The following SNX9 variants were observed in gnomAD, a reference collection of about 807,000 sequenced individuals.
The protein encoded by SNX9 is sorting nexin 9.
Under a neutral mutation model 89.4 loss-of-function variants are expected in SNX9, and 44 were observed. The ratio of observed to expected loss-of-function variants is 0.49; its 90% CI spans 0.39 to 0.63. The LOEUF (loss-of-function observed/expected upper bound fraction) is 0.63, where lower values mean the gene tolerates loss of function less well. SNX9 is among the 30% of genes least tolerant of loss of function. The pLI is 0.00. For missense variants in SNX9, 578 were observed against 736.1 expected (o/e 0.79, Z 2.49); for synonymous variants, 236 against 247.8 (o/e 0.95, Z 0.45).
intron 10 of SNX9, among the ~76,000 whole-genome samples, chr6:157,923,649 T>G (rs776771053): frequency 3.3e-5 from 5 of 152,188 alleles, no homozygotes; most frequent in Admixed American, 6.5e-5. Context: ...GCCAGGATGC[T>G]CTTGGAAAAT....
intron 4 of SNX9, among the ~76,000 whole-genome samples, chr6:157,884,514 G>A (rs1220487972): frequency 6.6e-6 from 1 of 152,106 alleles, no homozygotes; most frequent in East Asian, 1.9e-4. Flanking sequence ...TAATGCCTTA[G>A]ACATCTCGTA....
intron 9 of SNX9, 96 bp from the exon 10 acceptor site, chr6:157,921,435 A>G (rs578251563): frequency 4.7e-5 from 60 of 1,289,102 alleles, no homozygotes; most frequent in Non-Finnish European, 5.8e-5. Flanking sequence ...TCTACCCAAT[A>G]GCCAGTAGAC....
chr6:157,899,238 G>A (rs947502408), intron 5 of SNX9, among the ~76,000 whole-genome samples: 4 of 152,204 alleles, frequency 2.6e-5, no homozygotes, highest in African/African-American at 9.6e-5. Flanking sequence ...ACCCCAACTC[G>A]GTCTTTTTAA....
At chr6:157,859,503 A>G (rs1451597522) in intron 1 of SNX9, among the ~76,000 whole-genome samples, 2 of 152,236 alleles carry the variant, frequency 1.3e-5, no homozygotes, top group Non-Finnish European at 2.9e-5. Context: ...AGTAGAAGCT[A>G]TATTGGGGTA....
At chr6:157,932,623 T>C (rs944847963) in intron 13 of SNX9, among the ~76,000 whole-genome samples, 8 of 151,976 alleles carry the variant, frequency 5.3e-5, no homozygotes, top group Non-Finnish European at 1.0e-4. Flanking sequence ...TCCAACACTT[T>C]GGGAGGCTGA....
intron 1 of SNX9, among the ~76,000 whole-genome samples, chr6:157,826,323 T>TC (rs1177105953): frequency 6.6e-6 from 1 of 151,444 alleles, no homozygotes; most frequent in Non-Finnish European, 1.5e-5. Flanking sequence ...ACGGTGAAAC[T>TC]CCATCTATAC....
intron 9 of SNX9, among the ~76,000 whole-genome samples, chr6:157,918,905 A>T (rs1172608293): frequency 6.6e-6 from 1 of 152,090 alleles, no homozygotes; most frequent in Non-Finnish European, 1.5e-5. Context: ...ATTTTTATAT[A>T]TATTACATCT....
At position 157,898,993 on chromosome 6, in the gene SNX9, T is replaced by C. The variant is rs57283917; in HGVS notation, c.472+1995T>C. 1.4e-3 allele frequency among the ~76,000 whole-genome samples: 209 copies of C among 152,132 alleles called. 1 individual carries two copies. The highest frequency in any genetic ancestry group is 4.0e-3 in the African/African-American group (165 of 41,448). ...TCCCATTTGGCATTTGTCTCTCGGC[T>C]TCTCCATAATGGCACTCTTAGGACC... On this transcript the variant is annotated intron_variant, in intron 5 of 17. Transcript: ENST00000392185.
chr6:157,856,621 A>G (rs1440601234), intron 1 of SNX9, among the ~76,000 whole-genome samples: 1 of 152,176 alleles, frequency 6.6e-6, no homozygotes, highest in Non-Finnish European at 1.5e-5. Context: ...TATCACGATC[A>G]ATCTTCTCTT....
chr6:157,909,673 T>C lies in SNX9; in HGVS notation c.714T>C (p.Asp238=), dbSNP rs1783296710. The C allele has an allele frequency of 6.2e-7, 1 of 1,613,720 alleles. No homozygotes were observed. The highest frequency in any genetic ancestry group is 8.5e-7 in the Non-Finnish European group (1 of 1,179,950). Reference sequence around the variant, plus strand: ...CTGGAACATTGGCATAGGTTGGAGATTATGGCCCAATGTGGGTTTATCCTA... The same window carrying C: ...CTGGAACATTGGCATAGGTTGGAGACTATGGCCCAATGTGGGTTTATCCTA... ...PKEKIPIIVG[D]YGPMWVYPTS... The change falls in exon 8 of 18, where the codon GAT becomes GAC. Residue 238 remains aspartate (D), a synonymous_variant. Transcript: ENST00000392185.
intron 5 of SNX9, among the ~76,000 whole-genome samples, chr6:157,899,433 C>G (rs1486849665): frequency 6.6e-6 from 1 of 152,172 alleles, no homozygotes; most frequent in African/African-American, 2.4e-5. Context: ...CTGTGTACCA[C>G]TTAACATTCT....
In SNX9 at chr6:157,942,925, G is replaced by GA. The variant is rs1299554062; in HGVS notation, c.*95dup. The GA allele has an allele frequency of 1.2e-4, 167 of 1,365,732 alleles. No individual in the cohort carries two copies. The highest frequency in any genetic ancestry group is 1.9e-4 in the Middle Eastern group (1 of 5,368). The allele number at this position is 1,365,732 out of a possible 1,614,324, so 84.6% of individuals were successfully genotyped here. A position where few individuals can be genotyped will look rare whatever the true frequency, so the allele number is the denominator to read the frequency against. ...AAAACTTTTTTTCCCCTATTATTCAGAAAAAAAAGGAAACAAAACCAAAAA... is the reference window on the plus strand; with the variant it reads ...AAAACTTTTTTTCCCCTATTATTCAGAAAAAAAAAGGAAACAAAACCAAAAA... On this transcript the variant is annotated 3_prime_UTR_variant, in exon 18 of 18. Transcript: ENST00000392185.
chr6:157,842,578 T>C (rs921711605), intron 1 of SNX9, among the ~76,000 whole-genome samples: 1 of 152,148 alleles, frequency 6.6e-6, no homozygotes, highest in African/African-American at 2.4e-5. Context: ...ATTTGGTGTT[T>C]TTAAAGATAA....
intron 10 of SNX9, among the ~76,000 whole-genome samples, chr6:157,925,230 C>T (rs552427363): frequency 2.6e-5 from 4 of 152,250 alleles, no homozygotes; most frequent in African/African-American, 7.2e-5. Context: ...GTATCTGAAT[C>T]AACAACAGAT....
intron 6 of SNX9, among the ~76,000 whole-genome samples, chr6:157,902,995 G>T (rs1783138248): frequency 6.6e-6 from 1 of 151,982 alleles, no homozygotes; most frequent in Non-Finnish European, 1.5e-5. Flanking sequence ...AACAGTACTT[G>T]TAGATACCCT....
intron 1 of SNX9, among the ~76,000 whole-genome samples, chr6:157,842,943 T>C (rs1781731418): frequency 6.6e-6 from 1 of 152,214 alleles, no homozygotes; most frequent in Non-Finnish European, 1.5e-5. Flanking sequence ...AGGAAAGGGC[T>C]GTTACCAATT....
intron 1 of SNX9, among the ~76,000 whole-genome samples, chr6:157,852,281 C>T (rs895100786): frequency 6.6e-6 from 1 of 152,144 alleles, no homozygotes; most frequent in African/African-American, 2.4e-5. Context: ...TTTACACATA[C>T]TCCAAAACTG....
intron 1 of SNX9, among the ~76,000 whole-genome samples, chr6:157,843,924 G>GA: frequency 7.2e-6 from 1 of 138,040 alleles, no homozygotes; most frequent in Non-Finnish European, 1.5e-5. Context: ...ACCCAGGCCA[G>GA]AGTGCAGTGG....
intron 6 of SNX9, 94 bp from the exon 7 acceptor site, chr6:157,906,034 A>T: frequency 9.8e-7 from 1 of 1,016,066 alleles, no homozygotes; most frequent in Non-Finnish European, 1.5e-6. Flanking sequence ...GAAAGACAGG[A>T]CAAGGTTAAA....
Sources: allele counts gnomAD v4.1 joint callset (sites outside exome capture counted in the v4.1 genomes callset), GRCh38; gene constraint gnomAD v4.1.1; transcripts MANE v1.5; gene names NCBI Gene and HGNC (gene_info 2026-07-23, HGNC 2026-07-21).